OSMR: variants seen among roughly 807,000 people sequenced by gnomAD.
OSMR encodes the protein oncostatin-M-specific receptor subunit beta.
Under a neutral mutation model 99.9 loss-of-function variants are expected in OSMR, and 81 were observed. The observed-to-expected ratio is 0.81, with a 90% CI of 0.68 to 0.97. The LOEUF is 0.97. Ranked by LOEUF, OSMR falls within the 50% of genes least tolerant of loss-of-function variation. The pLI is 0.00. For missense variants in OSMR, 1,099 were observed against 1,153.4 expected (o/e 0.95, Z 0.68); for synonymous variants, 406 against 410.4 (o/e 0.99, Z 0.13).
chr5:38,862,282 T>G (rs2921713), intron 1 of OSMR, among the ~76,000 whole-genome samples: 5 of 43,122 alleles, frequency 1.2e-4, no homozygotes, highest in African/African-American at 2.2e-4. Flanking sequence ...GGCGGCTGGC[T>G]GGGCGGGGGG....
chr5:38,849,104 T>C (rs1448766174), intron 1 of OSMR, among the ~76,000 whole-genome samples: 1 of 152,140 alleles, frequency 6.6e-6, no homozygotes, highest in Non-Finnish European at 1.5e-5. Context: ...AAAGTAGAAA[T>C]AGAATGTAAT....
chr5:38,883,735 TAA>T (rs1486679250), intron 4 of OSMR, 90 bp from the exon 5 acceptor site: 3 of 1,603,242 alleles, frequency 1.9e-6, no homozygotes, highest in Non-Finnish European at 2.5e-6. Context: ...TAGAAAAAGC[TAA>T]AGTTATCTGC....
At chr5:38,865,724 T>A (rs1741885221) in intron 1 of OSMR, among the ~76,000 whole-genome samples, 1 of 151,982 alleles carries the variant, frequency 6.6e-6, no homozygotes, top group African/African-American at 2.4e-5. Flanking sequence ...GATGGGCCAA[T>A]CCCTGGGCCT....
intron 9 of OSMR, among the ~76,000 whole-genome samples, chr5:38,912,256 A>G (rs981541502): frequency 5.3e-5 from 8 of 152,190 alleles, no homozygotes; most frequent in Non-Finnish European, 1.2e-4. Context: ...ATGTACAAAA[A>G]TCAGTAGTAT....
In OSMR at chr5:38,883,743, T is replaced by C. The variant is rs1743482183; in HGVS notation, c.419-84T>C. ...CAGGAGGTAGAAAAAGCTAAAGTTA[T>C]CTGCTGAAGGCAAATGGATAACTTG... On this transcript the variant is annotated intron_variant, in intron 4 of 17. Transcript: ENST00000274276. 6 of 1,606,880 alleles carry C rather than the reference T, an allele frequency of 3.7e-6. No homozygotes were observed. The Admixed American group carries it at 5.0e-5, about 13-fold the overall frequency.
Position 38,881,607 on chromosome 5 carries a change from C to G in OSMR, c.261C>G (p.Thr87=). The change falls in exon 4 of 18, where the codon ACC becomes ACG. Residue 87 remains threonine, a synonymous_variant. Transcript: ENST00000274276. ...TTTGCTTTTAGGGGAATTACAGCACCACTGTGAAGTGGAACCAGGTTCTGC... is the reference window on the plus strand; with the variant it reads ...TTTGCTTTTAGGGGAATTACAGCACGACTGTGAAGTGGAACCAGGTTCTGC... ...SNVIWVGNYS[T]TVKWNQVLHW... is the part of the protein sequence containing the mutation. 1 of 1,614,130 alleles carries G rather than the reference C, an allele frequency of 6.2e-7. No homozygotes were observed. Among genetic ancestry groups the G allele is most frequent in the Non-Finnish European group, 8.5e-7 (1 of 1,180,006 alleles).
chr5:38,906,984 A>C (rs1046696327), intron 9 of OSMR, among the ~76,000 whole-genome samples: 1 of 152,212 alleles, frequency 6.6e-6, no homozygotes, highest in Non-Finnish European at 1.5e-5. Flanking sequence ...TAGCAGCCAA[A>C]ATTTTTTTAA....
chr5:38,861,775 G>A (rs1248615822), intron 1 of OSMR, among the ~76,000 whole-genome samples: 2 of 151,052 alleles, frequency 1.3e-5, no homozygotes, highest in Admixed American at 1.3e-4. Flanking sequence ...TCCTGGACGG[G>A]GCGGCTGGCC....
chr5:38,935,731 T>C (rs1746989542), downstream of OSMR: 1 of 152,178 alleles, frequency 6.6e-6, no homozygotes, highest in African/African-American at 2.4e-5. Flanking sequence ...TAAATAAAAA[T>C]GTAAATTCCT....
chr5:38,857,157 G>A (rs974763662), intron 1 of OSMR, among the ~76,000 whole-genome samples: 9 of 151,994 alleles, frequency 5.9e-5, no homozygotes, highest in Non-Finnish European at 1.3e-4. Context: ...TAAAATACTC[G>A]ATATTCTAGG....
intron 2 of OSMR, among the ~76,000 whole-genome samples, chr5:38,875,293 C>T (rs3805565): frequency 0.14 from 20,661 of 152,210 alleles, 3,246 homozygotes; most frequent in East Asian, 0.48. Flanking sequence ...ATGGTGTTTT[C>T]CTCCTCTTAA....
intron 5 of OSMR, among the ~76,000 whole-genome samples, chr5:38,884,938 C>T (rs1266863446): frequency 6.6e-6 from 1 of 152,142 alleles, no homozygotes; most frequent in East Asian, 1.9e-4. Context: ...GGTGCTTTGC[C>T]ATTCCCTGAA....
Position 38,885,436 on chromosome 5 carries a change from C to G in OSMR, c.791C>G (p.Ala264Gly). 2 of 1,614,030 alleles carry G rather than the reference C, an allele frequency of 1.2e-6. No individual in the cohort carries two copies. Among genetic ancestry groups the G allele is most frequent in the Non-Finnish European group, 1.7e-6 (2 of 1,179,876 alleles). ...ACTTGGGATCCTGGGACGGACACTG[C>G]CTTGGGGTGGTCTAAACAACCTTCC... ...HCTWDPGTDT[A>G]LGWSKQPSQS... is the part of the protein sequence containing the mutation. The change falls in exon 6 of 18, where the codon GCC becomes GGC. Residue 264 changes from alanine (A) to glycine (G), a missense_variant. Physicochemically the swap from Ala to Gly is moderately conservative, Grantham distance 60 (BLOSUM62 0). Transcript: ENST00000274276.
At chr5:38,863,496 C>T (rs1003239109) in intron 1 of OSMR, among the ~76,000 whole-genome samples, 7 of 152,030 alleles carry the variant, frequency 4.6e-5, no homozygotes, top group Non-Finnish European at 1.0e-4. Flanking sequence ...GAGATCGCGC[C>T]ACTGCACTCC....
At chr5:38,889,146 T>C (rs1743988268) in intron 7 of OSMR, among the ~76,000 whole-genome samples, 1 of 152,144 alleles carries the variant, frequency 6.6e-6, no homozygotes, top group Non-Finnish European at 1.5e-5. Flanking sequence ...GTGTTGGCTA[T>C]TCTAGGTTGA....
At chr5:38,882,819 A>G (rs7718143) in intron 4 of OSMR, among the ~76,000 whole-genome samples, 18,482 of 152,232 alleles carry the variant, frequency 0.12, 1,346 homozygotes, top group Non-Finnish European at 0.16. Context: ...TCAGTCCTAT[A>G]AAAGGACTTC....
chr5:38,909,730 G>T (rs1434207385), intron 9 of OSMR, among the ~76,000 whole-genome samples: 1 of 152,158 alleles, frequency 6.6e-6, no homozygotes, highest in Non-Finnish European at 1.5e-5. Context: ...TTAAGGAAGT[G>T]CCAAATATGA....
chr5:38,848,190 AG>A (rs1464612568), intron 1 of OSMR, among the ~76,000 whole-genome samples: 1 of 152,214 alleles, frequency 6.6e-6, no homozygotes, highest in African/African-American at 2.4e-5. Context: ...GCTCACTTAC[AG>A]GAACTGTGAG....
intron 1 of OSMR, among the ~76,000 whole-genome samples, chr5:38,846,601 C>T (rs987993339): frequency 1.3e-5 from 2 of 152,194 alleles, no homozygotes; most frequent in African/African-American, 2.4e-5. Context: ...CCTCTCGTAA[C>T]CCTTGACTCC....
Sources: allele counts gnomAD v4.1 joint callset (sites outside exome capture counted in the v4.1 genomes callset), GRCh38; gene constraint gnomAD v4.1.1; transcripts MANE v1.5; gene names NCBI Gene and HGNC (gene_info 2026-07-23, HGNC 2026-07-21).